POMT2: variants seen among roughly 807,000 people sequenced by gnomAD.
The protein encoded by POMT2 is protein O-mannosyltransferase 2, also known as protein O-mannosyl-transferase 2.
In POMT2, 75 loss-of-function variants were observed where a neutral mutation model predicts 100.0. That is an observed-to-expected ratio of 0.75 (90% CI 0.62 to 0.91). The LOEUF (loss-of-function observed/expected upper bound fraction) is 0.91. Among genes scored for constraint, POMT2 ranks in the 40% least tolerant of loss-of-function variants. The probability of loss-of-function intolerance (pLI) is 0.00; values close to 1 mark genes in which losing one functional copy is unlikely to be tolerated. For missense variants in POMT2, 940 were observed against 955.1 expected (o/e 0.98, Z 0.21); for synonymous variants, 378 against 374.1 (o/e 1.01, Z -0.12).
intron 2 of POMT2, among the ~76,000 whole-genome samples, chr14:77,311,019 G>T (rs1055062236): frequency 1.3e-5 from 2 of 152,216 alleles, no homozygotes; most frequent in African/African-American, 4.8e-5. Context: ...TGTAATCCCA[G>T]CTACTTGGGA....
intron 10 of POMT2, among the ~76,000 whole-genome samples, chr14:77,289,236 C>T (rs1288576990): frequency 6.6e-6 from 1 of 151,850 alleles, no homozygotes; most frequent in East Asian, 1.9e-4. Context: ...ACTAAAAATA[C>T]AAATAATAGC....
chr14:77,284,000 C>G, intron 14 of POMT2, 127 bp from the exon 15 acceptor site: 1 of 809,118 alleles, frequency 1.2e-6, no homozygotes, highest in Non-Finnish European at 2.1e-6. Flanking sequence ...GTTGAGGAGA[C>G]AGAAGAAAGC....
At chr14:77,282,622 CTA>C (rs988888631) in intron 15 of POMT2, among the ~76,000 whole-genome samples, 1 of 152,162 alleles carries the variant, frequency 6.6e-6, no homozygotes, top group Non-Finnish European at 1.5e-5. Context: ...TTCAAAAGAG[CTA>C]TGTCATCAGG....
intron 4 of POMT2, among the ~76,000 whole-genome samples, chr14:77,303,398 C>T (rs1047806124): frequency 6.6e-6 from 1 of 152,178 alleles, no homozygotes; most frequent in African/African-American, 2.4e-5. Flanking sequence ...CCTTAAATCT[C>T]ATTATGTCAT....
chr14:77,297,283 C>G (rs978935107), intron 8 of POMT2, among the ~76,000 whole-genome samples: 1 of 152,214 alleles, frequency 6.6e-6, no homozygotes, highest in Non-Finnish European at 1.5e-5. Context: ...CGCACACTCT[C>G]TCAAGGGCTG....
chr14:77,277,075 C>A lies in POMT2; in HGVS notation c.*301G>T. 1 of 452,068 alleles carries A rather than the reference C, an allele frequency of 2.2e-6. No homozygotes were observed. The allele number at this position is 452,068 out of a possible 1,614,324, so 28.0% of individuals were successfully genotyped here. A position where few individuals can be genotyped will look rare whatever the true frequency, so the allele number is the denominator to read the frequency against. The stretch of plus-strand genomic sequence containing the variant: ...CAGGGATATGGACAACATGCCCTCA[C>A]ATACACACACGCGCACCCACTCCCA... On this transcript the variant is annotated 3_prime_UTR_variant, in exon 21 of 21. Transcript: ENST00000261534.
At chr14:77,277,531 T>C in intron 20 of POMT2, 50 bp from the exon 21 acceptor site, 1 of 1,371,080 alleles carries the variant, frequency 7.3e-7, no homozygotes, top group South Asian at 1.2e-5. Context: ...GTGCCTCAGC[T>C]GAGGGGCTTT....
At chr14:77,286,521 C>T (rs1467370949) in intron 12 of POMT2, among the ~76,000 whole-genome samples, 1 of 152,158 alleles carries the variant, frequency 6.6e-6, no homozygotes, top group Non-Finnish European at 1.5e-5. Flanking sequence ...ATGTAAATGG[C>T]ATGGTTATTA....
intron 15 of POMT2, among the ~76,000 whole-genome samples, chr14:77,281,063 C>T (rs1890208249): frequency 6.6e-6 from 1 of 151,566 alleles, no homozygotes; most frequent in African/African-American, 2.4e-5. Flanking sequence ...CATTGCACTC[C>T]AACCTAGGCA....
At chr14:77,287,565 C>A (rs998855281) in intron 11 of POMT2, 1 of 140,234 alleles carries the variant, frequency 7.1e-6, no homozygotes, top group Admixed American at 7.2e-5. Flanking sequence ...TATATATACC[C>A]ACACACATAC....
In POMT2 at chr14:77,277,091, C is replaced by G. The variant is rs1889989777; in HGVS notation, c.*285G>C. On this transcript the variant is annotated 3_prime_UTR_variant, in exon 21 of 21. Transcript: ENST00000261534. ...ATGCCCTCACATACACACACGCGCACCCACTCCCACCCTCTGGCACCCATC... is the reference window on the plus strand; with the variant it reads ...ATGCCCTCACATACACACACGCGCAGCCACTCCCACCCTCTGGCACCCATC... The G allele has an allele frequency of 6.1e-6, 3 of 489,604 alleles. No individual in the cohort carries two copies. The East Asian group carries it at 1.1e-4, about 18-fold the overall frequency. 30.3% of individuals were successfully genotyped at this position (489,604 alleles called of 1,614,324 possible).
chr14:77,296,620 GC>G lies in POMT2; in HGVS notation c.1007-348del, dbSNP rs1445945900. 7.3e-5 allele frequency: 23 copies of G among 314,538 alleles called. 1 individual carries two copies. In the East Asian group the frequency reaches 1.6e-3, roughly 22 times the overall value. The allele number at this position is 314,538 out of a possible 1,614,324, so 19.5% of individuals were successfully genotyped here. A position where few individuals can be genotyped will look rare whatever the true frequency, so the allele number is the denominator to read the frequency against. On this transcript the variant is annotated intron_variant, in intron 8 of 20. Coordinates refer to ENST00000261534, the MANE Select transcript of POMT2 (RefSeq NM_013382.7). ...AAAGAAGGAAGTATCTTCTGTCTTC[GC>G]CTGGAATGTTCTCCAAGATACAGCA...
chr14:77,303,058 T>G (rs780485751), intron 4 of POMT2, 115 bp from the exon 5 acceptor site: 1 of 805,476 alleles, frequency 1.2e-6, no homozygotes, highest in Non-Finnish European at 2.1e-6. Context: ...GTGTAAGCAC[T>G]TGTGCAGTCA....
intron 7 of POMT2, 47 bp downstream of exon 7, chr14:77,299,408 G>A (rs756646040): frequency 5.8e-6 from 9 of 1,552,350 alleles, no homozygotes; most frequent in Non-Finnish European, 8.9e-7. Flanking sequence ...AGGCTTAGGA[G>A]CAAAAGGAAA....
At chr14:77,317,743 G>A (rs1263579653) in intron 1 of POMT2, among the ~76,000 whole-genome samples, 1 of 152,162 alleles carries the variant, frequency 6.6e-6, no homozygotes, top group African/African-American at 2.4e-5. Flanking sequence ...GAAAATGTGA[G>A]ATTCTCCCCT....
intron 2 of POMT2, among the ~76,000 whole-genome samples, chr14:77,308,581 C>T (rs1891319436): frequency 6.6e-6 from 1 of 152,088 alleles, no homozygotes; most frequent in Non-Finnish European, 1.5e-5. Flanking sequence ...GTCTCGAACT[C>T]CTGACCTCAG....
intron 1 of POMT2, chr14:77,319,579 G>A (rs756499676): frequency 2.0e-5 from 3 of 152,230 alleles, no homozygotes; most frequent in Non-Finnish European, 4.4e-5. Context: ...ACAAAGAGGA[G>A]GTCTGCGTAC....
chr14:77,305,462 T>C (rs1891192245), intron 3 of POMT2, among the ~76,000 whole-genome samples: 1 of 152,214 alleles, frequency 6.6e-6, no homozygotes, highest in Non-Finnish European at 1.5e-5. Context: ...CATCCAATTA[T>C]GTATGGTATG....
rs917666548 is a variant in POMT2, at chr14:77,295,912, G to A, written c.1116+252C>T. Among the ~76,000 whole-genome samples, 3 of 152,126 alleles carry A rather than the reference G, an allele frequency of 2.0e-5. No individual in the cohort carries two copies. In the Middle Eastern group the frequency reaches 0.01, roughly 517 times the overall value. On this transcript the variant is annotated intron_variant, in intron 9 of 20. Coordinates refer to ENST00000261534, the MANE Select transcript of POMT2 (RefSeq NM_013382.7). ...AGGTTTACCACGTAGGCATGTGGAA[G>A]GTGCCACCAAGCCTCTCATCAGAGG...
Sources: gnomAD v4.1 joint callset for allele counts (sites outside exome capture counted in the v4.1 genomes callset) on GRCh38, gnomAD v4.1.1 for gene constraint, MANE v1.5 for transcripts, NCBI Gene and HGNC (gene_info 2026-07-23, HGNC 2026-07-21) for gene names.